The following LUZP2 variants were observed in gnomAD, a reference collection of about 807,000 sequenced individuals.
LUZP2 encodes leucine zipper protein 2.
A neutral mutation model predicts 51.6 loss-of-function variants in LUZP2; 52 were observed. That is an observed-to-expected ratio of 1.01 (90% CI 0.81 to 1.27). LUZP2 has a LOEUF of 1.27. LUZP2 is among the 50% of genes most tolerant of loss of function. LUZP2 has a pLI of 0.00. For missense variants in LUZP2, 436 were observed against 395.4 expected, an observed-to-expected ratio of 1.10 and a Z score of -0.87; for synonymous variants, 154 against 137.3, an observed-to-expected ratio of 1.12 and a Z score of -0.85.
At chr11:24,904,653 G>C (rs924635446) in intron 5 of LUZP2, among the ~76,000 whole-genome samples, 15 of 152,146 alleles carry the variant, frequency 9.9e-5, no homozygotes, top group African/African-American at 3.4e-4. Flanking sequence ...GTTTGTTCTA[G>C]ATAGTAACCT....
chr11:24,526,591 C>T (rs1164852457), intron 1 of LUZP2, among the ~76,000 whole-genome samples: 2 of 151,134 alleles, frequency 1.3e-5, no homozygotes, highest in Admixed American at 6.6e-5. Flanking sequence ...TTCCATGGGA[C>T]GTTGTTAAAA....
chr11:24,571,367 A>G (rs182119347), intron 1 of LUZP2, among the ~76,000 whole-genome samples: 1 of 152,196 alleles, frequency 6.6e-6, no homozygotes, highest in East Asian at 1.9e-4. Context: ...TCTGGTGAAT[A>G]CATTTTACCC....
At chr11:24,624,397 G>T (rs931056083) in intron 1 of LUZP2, among the ~76,000 whole-genome samples, 7 of 151,962 alleles carry the variant, frequency 4.6e-5, no homozygotes, top group Non-Finnish European at 1.0e-4. Context: ...ACAATAAAAT[G>T]AAATAAAACT....
chr11:24,737,488 G>GTGATAGCTC (rs1858985481), intron 3 of LUZP2, among the ~76,000 whole-genome samples: 2 of 142,332 alleles, frequency 1.4e-5, no homozygotes, highest in Non-Finnish European at 3.1e-5. Flanking sequence ...TCTATTTGAG[G>GTGATAGCTC]TGATAGCTCG....
Position 24,922,835 on chromosome 11 carries a change from TTC to T in LUZP2, c.522+8299_522+8300del, listed in dbSNP as rs1565113428. ...GTGGCACAGTTATATCTTTTTTTTT[TTC>T]TTTTTTTTTTTTTTTTTTTTTTTTT... On this transcript the variant is annotated intron_variant, in intron 7 of 11. Transcript: ENST00000336930. 3.2e-3 allele frequency among the ~76,000 whole-genome samples: 129 copies of T among 39,946 alleles called. 19 individuals carry two copies. The highest frequency in any genetic ancestry group is 0.013 in the East Asian group (7 of 530). The allele number at this position is 39,946 out of a possible 152,430, so 26.2% of individuals were successfully genotyped here.
chr11:24,936,734 G>C (rs905160665), intron 7 of LUZP2, among the ~76,000 whole-genome samples: 1 of 152,030 alleles, frequency 6.6e-6, no homozygotes, highest in African/African-American at 2.4e-5. Context: ...GTGTGGTGCA[G>C]GATTTGAGTG....
At position 24,909,265 on chromosome 11, in the gene LUZP2, A is replaced by G. The variant is rs147706075; in HGVS notation, c.459+3212A>G. Reference sequence around the variant, plus strand: ...ATCATTGAATAATTGATGTTTTGATAATAATTCCAAGTTATGTGGAAAATT... The same window carrying G: ...ATCATTGAATAATTGATGTTTTGATGATAATTCCAAGTTATGTGGAAAATT... On this transcript the variant is annotated intron_variant, in intron 6 of 11. Coordinates refer to ENST00000336930, the MANE Select transcript of LUZP2 (RefSeq NM_001009909.4). Among the ~76,000 whole-genome samples, 118 of 152,136 alleles carry G rather than the reference A, an allele frequency of 7.8e-4. 1 individual carries two copies. The highest frequency in any genetic ancestry group is 2.8e-3 in the African/African-American group (116 of 41,538).
intron 5 of LUZP2, among the ~76,000 whole-genome samples, chr11:24,829,573 T>G (rs1228710118): frequency 2.0e-5 from 3 of 152,236 alleles, no homozygotes; most frequent in Non-Finnish European, 2.9e-5. Flanking sequence ...CAAAGAGGGT[T>G]AAAGCTGGAA....
chr11:24,837,153 A>C (rs577122837), intron 5 of LUZP2, among the ~76,000 whole-genome samples: 2 of 151,792 alleles, frequency 1.3e-5, no homozygotes, highest in African/African-American at 2.4e-5. Context: ...GACATATATT[A>C]GAATATATAT....
At chr11:24,883,478 AT>A (rs1328143189) in intron 5 of LUZP2, among the ~76,000 whole-genome samples, 1 of 152,036 alleles carries the variant, frequency 6.6e-6, no homozygotes, top group Non-Finnish European at 1.5e-5. Flanking sequence ...GGGATAAAAA[AT>A]AACCCCCAAG....
chr11:24,650,797 G>A (rs1038958902), intron 1 of LUZP2, among the ~76,000 whole-genome samples: 1 of 152,052 alleles, frequency 6.6e-6, no homozygotes, highest in Non-Finnish European at 1.5e-5. Flanking sequence ...GTGAGAGCTT[G>A]TTTCTTTGTA....
At chr11:25,075,277 C>T (rs147797152) in intron 10 of LUZP2, among the ~76,000 whole-genome samples, 1 of 152,062 alleles carries the variant, frequency 6.6e-6, no homozygotes, top group Non-Finnish European at 1.5e-5. Context: ...AAGAATTCAG[C>T]TATTGATTTT....
At chr11:24,872,657 T>C (rs1162401877) in intron 5 of LUZP2, among the ~76,000 whole-genome samples, 1 of 152,046 alleles carries the variant, frequency 6.6e-6, no homozygotes, top group African/African-American at 2.4e-5. Context: ...AAACAGTAAA[T>C]CTAATATTTT....
chr11:24,885,163 G>T (rs1297701362), intron 5 of LUZP2, among the ~76,000 whole-genome samples: 1 of 151,988 alleles, frequency 6.6e-6, no homozygotes, highest in Non-Finnish European at 1.5e-5. Flanking sequence ...CTAGAAACTT[G>T]CCTGCAGTCT....
intron 1 of LUZP2, among the ~76,000 whole-genome samples, chr11:24,624,789 T>C (rs1854621898): frequency 1.3e-5 from 2 of 152,190 alleles, no homozygotes; most frequent in African/African-American, 4.8e-5. Flanking sequence ...AAGTGCTTTA[T>C]GAAGTACCTC....
At chr11:25,041,399 C>T (rs1858054515) in intron 9 of LUZP2, among the ~76,000 whole-genome samples, 1 of 151,998 alleles carries the variant, frequency 6.6e-6, no homozygotes, top group Non-Finnish European at 1.5e-5. Flanking sequence ...TTAATATTTT[C>T]AAACCTTGGT....
intron 4 of LUZP2, among the ~76,000 whole-genome samples, chr11:24,758,185 A>C (rs559753180): frequency 2.2e-4 from 33 of 152,264 alleles, no homozygotes; most frequent in Admixed American, 1.0e-3. Context: ...AACAAAATAC[A>C]CATCATGATC....
At chr11:24,670,827 C>A (rs1469503148) in intron 1 of LUZP2, among the ~76,000 whole-genome samples, 1 of 151,744 alleles carries the variant, frequency 6.6e-6, no homozygotes, top group Admixed American at 6.6e-5. Context: ...AAAAGACAAA[C>A]CTTTTCTAGG....
chr11:24,819,169 G>GA (rs1423476619), intron 5 of LUZP2, among the ~76,000 whole-genome samples: 1 of 152,046 alleles, frequency 6.6e-6, no homozygotes, highest in African/African-American at 2.4e-5. Context: ...AATGGGAAGT[G>GA]AAAGAAAGTC....
Sources: gnomAD v4.1 joint callset for allele counts (sites outside exome capture counted in the v4.1 genomes callset) on GRCh38, gnomAD v4.1.1 for gene constraint, MANE v1.5 for transcripts, NCBI Gene and HGNC (gene_info 2026-07-23, HGNC 2026-07-21) for gene names.